The following CFAP20DC variants were observed in gnomAD, a reference collection of about 807,000 sequenced individuals.
CFAP20DC encodes CFAP20 domain containing.
A neutral mutation model predicts 101.7 loss-of-function variants in CFAP20DC; 84 were observed. The observed-to-expected ratio is 0.83, with a 90% CI of 0.69 to 0.99. CFAP20DC has a LOEUF of 0.99. Ranked by LOEUF, CFAP20DC falls within the 50% of genes least tolerant of loss-of-function variation. CFAP20DC has a pLI of 0.00. For missense variants in CFAP20DC, 1,007 were observed against 970.3 expected (o/e 1.04, Z -0.50); for synonymous variants, 359 against 351.2 (o/e 1.02, Z -0.25).
intron 4 of CFAP20DC, among the ~76,000 whole-genome samples, chr3:58,946,187 G>T (rs1209747978): frequency 6.7e-6 from 1 of 149,218 alleles, no homozygotes; most frequent in Non-Finnish European, 1.5e-5. Flanking sequence ...CGTGATCTCG[G>T]CTCACTGCAA....
At chr3:58,854,998 A>T (rs1269802297) in intron 12 of CFAP20DC, among the ~76,000 whole-genome samples, 1 of 146,204 alleles carries the variant, frequency 6.8e-6, no homozygotes, top group Non-Finnish European at 1.5e-5. Flanking sequence ...GATCTAATTA[A>T]ACTAAAGAGC....
intron 6 of CFAP20DC, among the ~76,000 whole-genome samples, chr3:58,900,726 G>C (rs1490152017): frequency 6.6e-6 from 1 of 152,222 alleles, no homozygotes; most frequent in South Asian, 2.1e-4. Context: ...AGCACAACCA[G>C]ATGGTGGGTT....
intron 4 of CFAP20DC, among the ~76,000 whole-genome samples, chr3:59,032,077 C>T (rs939388269): frequency 1.3e-5 from 2 of 152,150 alleles, no homozygotes; most frequent in Non-Finnish European, 2.9e-5. Flanking sequence ...TGTCACCTCA[C>T]CTGGGAAGCA....
intron 6 of CFAP20DC, among the ~76,000 whole-genome samples, chr3:58,906,691 A>G (rs907922143): frequency 6.6e-6 from 1 of 152,100 alleles, no homozygotes; most frequent in Non-Finnish European, 1.5e-5. Context: ...GCACTTTGGG[A>G]GGCCAAGGTG....
At chr3:58,969,263 T>C (rs2091795970) in intron 4 of CFAP20DC, among the ~76,000 whole-genome samples, 1 of 152,194 alleles carries the variant, frequency 6.6e-6, no homozygotes, top group Non-Finnish European at 1.5e-5. Flanking sequence ...TAATCAACAG[T>C]GAAATGTAAA....
At chr3:58,888,988 GTTTT>G (rs75203673) in intron 6 of CFAP20DC, among the ~76,000 whole-genome samples, 7 of 131,720 alleles carry the variant, frequency 5.3e-5, no homozygotes, top group African/African-American at 1.1e-4. Flanking sequence ...AGCATCTATT[GTTTT>G]TTTTTTTTAC....
intron 5 of CFAP20DC, among the ~76,000 whole-genome samples, chr3:58,924,090 A>T (rs2085685214): frequency 6.6e-6 from 1 of 152,142 alleles, no homozygotes; most frequent in South Asian, 2.1e-4. Context: ...AAAATTTTTT[A>T]AAATTATAGA....
chr3:58,950,929 A>AG (rs1415790255), intron 4 of CFAP20DC, among the ~76,000 whole-genome samples: 2 of 152,108 alleles, frequency 1.3e-5, no homozygotes, highest in East Asian at 1.9e-4. Context: ...ATTAAACTAA[A>AG]AGCTTCTGCA....
At chr3:58,719,340 G>A (rs1010099785) in intron 3 of CFAP20DC, among the ~76,000 whole-genome samples, 1 of 152,192 alleles carries the variant, frequency 6.6e-6, no homozygotes, top group Admixed American at 6.5e-5. Flanking sequence ...CTAGTTAATC[G>A]AGGTCTTACT....
In CFAP20DC at chr3:58,974,489, C is replaced by A. The variant is rs144346036; in HGVS notation, c.279-36727G>T. Among the ~76,000 whole-genome samples, 125 of 151,994 alleles carry A rather than the reference C, an allele frequency of 8.2e-4. 1 individual carries two copies. Among genetic ancestry groups the A allele is most frequent in the African/African-American group, 2.8e-3 (118 of 41,416 alleles). On this transcript the variant is annotated intron_variant, in intron 4 of 16. Coordinates refer to ENST00000482387, the MANE Select transcript of CFAP20DC (RefSeq NM_001394063.1). Reference sequence around the variant, plus strand: ...TTCCATGGTATATATGTTATATGTACCACATTGTAGGATGAGTGCACCTGA... The same window carrying A: ...TTCCATGGTATATATGTTATATGTAACACATTGTAGGATGAGTGCACCTGA...
At position 59,001,099 on chromosome 3, in the gene CFAP20DC, T is replaced by A. The variant is rs1208995085; in HGVS notation, c.278+38458A>T. On this transcript the variant is annotated intron_variant, in intron 4 of 16. Transcript: ENST00000482387. The surrounding 1 kb of genome is among the most constrained non-coding windows in gnomAD (Gnocchi z 4.5). The stretch of plus-strand genomic sequence containing the variant: ...TTGGAATTACAGCAGTAAGAGTTAG[T>A]AAAGAGAGCAAATTCAAAGAGCTGA... Among the ~76,000 whole-genome samples, 7 of 151,986 alleles carry A rather than the reference T, an allele frequency of 4.6e-5. No individual in the cohort carries two copies. The highest frequency in any genetic ancestry group is 1.7e-4 in the African/African-American group (7 of 41,374).
At position 58,861,047 on chromosome 3, in the gene CFAP20DC, C is replaced by G. The variant is rs573531881; in HGVS notation, c.1593+2511G>C. ...TTTTGAGGCTCCAACACTAAGATCT[C>G]AGATGTGAATTAATGATTAGCAACT... On this transcript the variant is annotated intron_variant, in intron 12 of 16. Transcript: ENST00000482387. The surrounding 1 kb of genome is among the most constrained non-coding windows in gnomAD (Gnocchi z 4.0). Among the ~76,000 whole-genome samples the G allele has an allele frequency of 1.3e-5, 2 of 152,234 alleles. No individual in the cohort carries two copies. Among genetic ancestry groups the G allele is most frequent in the African/African-American group, 4.8e-5 (2 of 41,564 alleles).
Position 58,799,417 on chromosome 3 carries a change from A to C in CFAP20DC, c.2237+6978T>G, listed in dbSNP as rs534787453. On this transcript the variant is annotated intron_variant, in intron 15 of 16. Transcript: ENST00000482387. This position sits in a 1 kb window ranked among gnomAD's most constrained non-coding sequence, Gnocchi z 4.9. ...GGTTTCGTTTATTATAAATGGGAAC[A>C]GGGCCAGGTACTAGAGACTCTTAAG... is the stretch of plus-strand genomic sequence containing the variant. 8.1e-4 allele frequency among the ~76,000 whole-genome samples: 124 copies of C among 152,356 alleles called. 5 individuals are homozygous for C. Among genetic ancestry groups the C allele is most frequent in the South Asian group, 1.0e-3 (5 of 4,818 alleles).
chr3:58,760,699 G>A (rs1210646343), intron 15 of CFAP20DC, among the ~76,000 whole-genome samples: 5 of 152,150 alleles, frequency 3.3e-5, no homozygotes, highest in Admixed American at 3.3e-4. Context: ...ATTATTTTGA[G>A]ATACATCCCA....
chr3:58,821,166 C>G (rs200423930), intron 14 of CFAP20DC, among the ~76,000 whole-genome samples: 2 of 151,748 alleles, frequency 1.3e-5, no homozygotes, highest in African/African-American at 2.4e-5. Flanking sequence ...AAGATTTAAA[C>G]GTTAGACCTA....
Position 58,799,081 on chromosome 3 carries a change from T to C in CFAP20DC, c.2237+7314A>G, listed in dbSNP as rs1382307384. 6.6e-6 allele frequency among the ~76,000 whole-genome samples: 1 copy of C among 152,182 alleles called. No homozygotes were observed. Among genetic ancestry groups the C allele is most frequent in the Non-Finnish European group, 1.5e-5 (1 of 68,032 alleles). On this transcript the variant is annotated intron_variant, in intron 15 of 16. Transcript: ENST00000482387. This position sits in a 1 kb window ranked among gnomAD's most constrained non-coding sequence, Gnocchi z 4.9. ...TGTATGTATATATATAATGTGTATA[T>C]ATGTATGTGTATGCATATAAATAAT...
At chr3:58,886,084 T>C (rs2081603489) in intron 6 of CFAP20DC, among the ~76,000 whole-genome samples, 1 of 152,160 alleles carries the variant, frequency 6.6e-6, no homozygotes, top group Non-Finnish European at 1.5e-5. Context: ...AAATTAGTAT[T>C]AATATCCTAG....
At position 58,722,799 on chromosome 3, in the gene CFAP20DC, T is replaced by C. The variant is rs543090784; in HGVS notation, c.198-5171A>G. ...GCCAAGAGAGATAAACAGTCTCATC[T>C]TGCACTGCATTTGGATTCAGTGTCA... is the stretch of plus-strand genomic sequence containing the variant. On this transcript the variant is annotated intron_variant, in intron 3 of 3. Transcript: ENST00000486145. The surrounding 1 kb of genome is among the most constrained non-coding windows in gnomAD (Gnocchi z 4.5). Among the ~76,000 whole-genome samples, 2 of 152,372 alleles carry C rather than the reference T, an allele frequency of 1.3e-5. No homozygotes were observed. The highest frequency in any genetic ancestry group is 2.1e-4 in the South Asian group (1 of 4,826).
Position 58,762,296 on chromosome 3 carries a change from CTTCT to C in CFAP20DC, c.2238-8437_2238-8434del, listed in dbSNP as rs1369118028. 1.4e-4 allele frequency among the ~76,000 whole-genome samples: 21 copies of C among 152,220 alleles called. No homozygotes were observed. The East Asian group carries it at 3.9e-3, about 28-fold the overall frequency. ...GATCCCTTTACCATTATGTAATGGC[CTTCT>C]TTGTCTCTTCTGATCTTTGTTGGTT... On this transcript the variant is annotated intron_variant, in intron 15 of 16. Transcript: ENST00000482387.
Sources: gnomAD v4.1 joint callset for allele counts (sites outside exome capture counted in the v4.1 genomes callset) on GRCh38, gnomAD v4.1.1 for gene constraint, Gnocchi (gnomAD v3.1) non-coding constraint, MANE v1.5 for transcripts, NCBI Gene and HGNC (gene_info 2026-07-23, HGNC 2026-07-21) for gene names.